ABLIM1: variants seen among roughly 807,000 people sequenced by gnomAD.
ABLIM1 encodes the protein actin binding LIM protein 1, also known as actin-binding LIM protein 1.
Under a neutral mutation model 107.0 loss-of-function variants are expected in ABLIM1, and 40 were observed. That is an observed-to-expected ratio of 0.37 (90% CI 0.29 to 0.49). The LOEUF is 0.49. Among genes scored for constraint, ABLIM1 ranks in the 20% least tolerant of loss-of-function variants. ABLIM1 has a pLI of 0.97. For missense variants in ABLIM1, 857 were observed against 1,008.5 expected, an observed-to-expected ratio of 0.85 and a Z score of 2.04; for synonymous variants, 357 against 357.3, an observed-to-expected ratio of 1.00 and a Z score of 0.01.
Position 114,481,539 on chromosome 10 carries a change from G to A in ABLIM1, c.1041+6419C>T, listed in dbSNP as rs183643637. ...GTGGGGATAACAGCTGCAGAAAAAGGAATATTTTAAAACCTGCACATACTG... is the reference window on the plus strand; with the variant it reads ...GTGGGGATAACAGCTGCAGAAAAAGAAATATTTTAAAACCTGCACATACTG... On this transcript the variant is annotated intron_variant, in intron 8 of 22. Transcript: ENST00000533213. 1.2e-3 allele frequency among the ~76,000 whole-genome samples: 183 copies of A among 152,194 alleles called. 1 individual carries two copies. Among genetic ancestry groups the A allele is most frequent in the Admixed American group, 2.9e-3 (44 of 15,276 alleles).
chr10:114,695,837 G>C (rs2081183027), intron 1 of ABLIM1, among the ~76,000 whole-genome samples: 3 of 152,126 alleles, frequency 2.0e-5, no homozygotes. Context: ...CTCAAATTTT[G>C]ATCTCTGATC....
intron 6 of ABLIM1, among the ~76,000 whole-genome samples, chr10:114,502,916 T>G (rs1010861938): frequency 6.6e-6 from 1 of 152,224 alleles, no homozygotes; most frequent in African/African-American, 2.4e-5. Context: ...CCTTGTGTCC[T>G]CTTCCAATGA....
intron 7 of ABLIM1, among the ~76,000 whole-genome samples, chr10:114,491,012 G>GTGTGTATATATATATATGTATATATATA: frequency 1.1e-5 from 1 of 92,388 alleles, no homozygotes; most frequent in East Asian, 5.1e-4. Context: ...GTGTGTGTGT[G>GTGTGTATATATATATATGTATATATATA]TATATATATA....
chr10:114,456,331 C>T (rs556835243), intron 12 of ABLIM1, among the ~76,000 whole-genome samples: 11 of 152,306 alleles, frequency 7.2e-5, no homozygotes, highest in Non-Finnish European at 1.3e-4. Context: ...TACAGCTAAT[C>T]TTTGACAACT....
chr10:114,438,103 A>G (rs2059685042), intron 21 of ABLIM1, among the ~76,000 whole-genome samples, 179 bp from the exon 22 acceptor site: 1 of 152,146 alleles, frequency 6.6e-6, no homozygotes. Flanking sequence ...GGGGACAGGG[A>G]CAGAATCTTA....
chr10:114,555,863 A>C (rs10160023), intron 4 of ABLIM1, among the ~76,000 whole-genome samples: 25,088 of 152,140 alleles, frequency 0.16, 2,619 homozygotes, highest in East Asian at 0.29. Context: ...TTAAAAAAAA[A>C]CAAAAAACCA....
rs1402476532 is a variant in ABLIM1 at position 114,622,236 on chromosome 10, C to T, written c.245-20275G>A. On this transcript the variant is annotated intron_variant, in intron 1 of 22. Coordinates refer to ENST00000533213, the MANE Select transcript of ABLIM1 (RefSeq NM_002313.7). ...CCTTGCCACCTTTTCCTATCATCCACTTTTCTTTTTCTTTTTTTTTTTTTT... is the reference window on the plus strand; with the variant it reads ...CCTTGCCACCTTTTCCTATCATCCATTTTTCTTTTTCTTTTTTTTTTTTTT... 2.0e-5 allele frequency among the ~76,000 whole-genome samples: 3 copies of T among 149,788 alleles called. 1 individual carries two copies. In the South Asian group the frequency reaches 6.4e-4, roughly 32 times the overall value.
At chr10:114,584,172 C>T (rs1460685983) in intron 2 of ABLIM1, among the ~76,000 whole-genome samples, 2 of 112,172 alleles carry the variant, frequency 1.8e-5, no homozygotes, top group East Asian at 4.1e-4. Context: ...AAGTCCTGTT[C>T]CTTTCTGCCT....
intron 1 of ABLIM1, among the ~76,000 whole-genome samples, chr10:114,612,711 A>ACT (rs1357349091): frequency 6.6e-6 from 1 of 152,184 alleles, no homozygotes; most frequent in African/African-American, 2.4e-5. Flanking sequence ...TTCAGTCTAA[A>ACT]CTCTGCCGGC....
At chr10:114,777,605 A>G in the ABLIM1 span, among the ~76,000 whole-genome samples, 1 of 152,182 alleles carries the variant, frequency 6.6e-6, no homozygotes, top group African/African-American at 2.4e-5. Flanking sequence ...AAATTGGGAT[A>G]TTTCACTCTG....
intron 2 of ABLIM1, among the ~76,000 whole-genome samples, chr10:114,599,630 C>T (rs2075789404): frequency 6.6e-6 from 1 of 151,528 alleles, no homozygotes; most frequent in Non-Finnish European, 1.5e-5. Context: ...CACACACACA[C>T]ACAAAAATTA....
intron 2 of ABLIM1, among the ~76,000 whole-genome samples, chr10:114,588,698 T>C (rs1376913007): frequency 6.6e-6 from 1 of 151,500 alleles, no homozygotes; most frequent in Non-Finnish European, 1.5e-5. Flanking sequence ...AGAGATGGGG[T>C]TTCATCATGT....
intron 1 of ABLIM1, chr10:114,690,662 G>T (rs1271414885): frequency 3.5e-6 from 2 of 575,130 alleles, no homozygotes; most frequent in Admixed American, 5.5e-5. Flanking sequence ...CAGGGCTCCT[G>T]GTGGCGGCAG....
chr10:114,586,059 C>T (rs1311018239), intron 2 of ABLIM1, among the ~76,000 whole-genome samples: 1 of 152,184 alleles, frequency 6.6e-6, no homozygotes, highest in Non-Finnish European at 1.5e-5. Context: ...GTTCCTCTGG[C>T]ATAGCATCAG....
intron 17 of ABLIM1, 95 bp downstream of exon 17, chr10:114,443,934 C>G (rs905540272): frequency 3.0e-6 from 3 of 994,068 alleles, no homozygotes; most frequent in Non-Finnish European, 3.0e-6. Context: ...GTGGAATACT[C>G]TGTAGGTTCC....
At chr10:114,768,715 G>A (rs374546967), upstream of ABLIM1, among the ~76,000 whole-genome samples, 2 of 152,040 alleles carry the variant, frequency 1.3e-5, no homozygotes, top group African/African-American at 4.8e-5. Context: ...AGCGGGGGGC[G>A]TCAGGGTCCC....
chr10:114,497,122 C>A (rs942750598), intron 6 of ABLIM1, among the ~76,000 whole-genome samples: 1 of 152,210 alleles, frequency 6.6e-6, no homozygotes, highest in Non-Finnish European at 1.5e-5. Flanking sequence ...GACTAAATAG[C>A]GCTCATATAA....
intron 1 of ABLIM1, chr10:114,690,579 G>A: frequency 1.0e-6 from 1 of 969,980 alleles, no homozygotes; most frequent in Non-Finnish European, 1.7e-6. Flanking sequence ...CAGCTCAAAG[G>A]AGATGCAGCC....
chr10:114,788,900 T>C, the ABLIM1 span, among the ~76,000 whole-genome samples: 1 of 152,308 alleles, frequency 6.6e-6, no homozygotes, highest in East Asian at 1.9e-4. Context: ...TCATTGTTTA[T>C]CTGAAATTCA....
Sources: allele counts gnomAD v4.1 joint callset (sites outside exome capture counted in the v4.1 genomes callset), GRCh38; gene constraint gnomAD v4.1.1; transcripts MANE v1.5; gene names NCBI Gene and HGNC (gene_info 2026-07-23, HGNC 2026-07-21).